The following INSC variants were observed in gnomAD, a reference collection of about 807,000 sequenced individuals.
INSC encodes the protein INSC spindle orientation adaptor protein.
Under a neutral mutation model 58.6 loss-of-function variants are expected in INSC, and 67 were observed. That is an observed-to-expected ratio of 1.14 (90% confidence interval 0.94 to 1.40). INSC has a LOEUF of 1.40. Ranked by LOEUF, INSC falls within the 40% of genes most tolerant of loss-of-function variation. INSC has a pLI of 0.00. For synonymous variants in INSC, 262 were observed against 276.1 expected (o/e 0.95, Z 0.51); for missense variants, 714 against 692.0 (o/e 1.03, Z -0.36).
chr11:15,243,863 T>C (rs1481099190), intron 12 of INSC, among the ~76,000 whole-genome samples: 4 of 151,588 alleles, frequency 2.6e-5, no homozygotes, highest in Admixed American at 6.6e-5. Context: ...CTAAGGGCTC[T>C]CTCTTTTATT....
chr11:15,166,876 G>A (rs1849215012), intron 2 of INSC, among the ~76,000 whole-genome samples: 1 of 152,046 alleles, frequency 6.6e-6, no homozygotes, highest in South Asian at 2.1e-4. Context: ...ATGGAGTTCT[G>A]GCTCTCTCAA....
At chr11:15,241,502 C>A in intron 12 of INSC, 1 of 687,424 alleles carries the variant, frequency 1.5e-6, no homozygotes, top group Non-Finnish European at 2.7e-6. Context: ...ATAAGTCACT[C>A]AGTGCTATAC....
the INSC span, among the ~76,000 whole-genome samples, chr11:15,267,704 A>T: frequency 6.6e-6 from 1 of 151,938 alleles, no homozygotes; most frequent in Non-Finnish European, 1.5e-5. Flanking sequence ...ATATTGTTCT[A>T]TGCTAATTCA....
Position 15,175,763 on chromosome 11 carries a change from T to C in INSC, c.79T>C (p.Ser27Pro). The part of the protein sequence containing the change: ...GQRLHLMQVD[S>P]VQRWMEDLKL... ...CAGGCTACACCTGATGCAGGTGGACTCAGTCCAGCGCTGGATGGAAGATCT... is the reference window on the plus strand; with the variant it reads ...CAGGCTACACCTGATGCAGGTGGACCCAGTCCAGCGCTGGATGGAAGATCT... The change falls in exon 3 of 13, where the codon TCA becomes CCA. Residue 27 changes from serine (S) to proline (P), a missense_variant. Ser to Pro is a moderately conservative substitution (Grantham distance 74). Transcript: ENST00000379556. 6.4e-7 allele frequency: 1 copy of C among 1,570,332 alleles called. No homozygotes were observed. Among genetic ancestry groups the C allele is most frequent in the Non-Finnish European group, 8.7e-7 (1 of 1,149,680 alleles).
intron 5 of INSC, among the ~76,000 whole-genome samples, chr11:15,183,621 G>A (rs1037905533): frequency 1.3e-5 from 2 of 152,046 alleles, no homozygotes; most frequent in African/African-American, 4.8e-5. Flanking sequence ...GCTTTTTTAG[G>A]ACACACATTA....
upstream of INSC, chr11:15,114,840 G>T (rs1478025456): frequency 1.4e-6 from 1 of 732,384 alleles, no homozygotes; most frequent in Non-Finnish European, 1.7e-6. Context: ...CGACCGCCTC[G>T]GAGAGGGCGG....
At chr11:15,125,695 C>A (rs893719197) in intron 1 of INSC, among the ~76,000 whole-genome samples, 7 of 152,200 alleles carry the variant, frequency 4.6e-5, no homozygotes, top group African/African-American at 1.7e-4. Context: ...TCTTTACCTG[C>A]TACTTGGAGA....
chr11:15,229,708 C>T (rs1851773166), intron 9 of INSC, among the ~76,000 whole-genome samples: 1 of 151,084 alleles, frequency 6.6e-6, no homozygotes, highest in South Asian at 2.1e-4. Flanking sequence ...GGAATGTAAG[C>T]TTTGGAACAG....
Position 15,189,995 on chromosome 11 carries a change from C to T in INSC, c.580-706C>T, listed in dbSNP as rs2133858755. Among the ~76,000 whole-genome samples, 2 of 152,294 alleles carry T rather than the reference C, an allele frequency of 1.3e-5. 1 individual carries two copies. On this transcript the variant is annotated intron_variant, in intron 5 of 12. Transcript: ENST00000379556. Reference sequence around the variant, plus strand: ...CATTTGCTTTCCTTCCTGAACCTCTCTTCTTGGTCTTATGTTCAGTCATTC... The same window carrying T: ...CATTTGCTTTCCTTCCTGAACCTCTTTTCTTGGTCTTATGTTCAGTCATTC...
At chr11:15,115,773 ACTCTT>A (rs1847677833) in intron 1 of INSC, among the ~76,000 whole-genome samples, 1 of 151,866 alleles carries the variant, frequency 6.6e-6, no homozygotes, top group Non-Finnish European at 1.5e-5. Context: ...TCTTGCACAC[ACTCTT>A]CTCAGGATAG....
chr11:15,173,752 A>G (rs1338048596), intron 2 of INSC, among the ~76,000 whole-genome samples: 1 of 152,224 alleles, frequency 6.6e-6, no homozygotes, highest in Non-Finnish European at 1.5e-5. Context: ...TTTAAAAAGC[A>G]ATTTCCTAAA....
intron 10 of INSC, among the ~76,000 whole-genome samples, chr11:15,238,371 G>C (rs1852211526): frequency 6.6e-6 from 1 of 152,148 alleles, no homozygotes; most frequent in Admixed American, 6.5e-5. Context: ...TTACCTGGGG[G>C]ATTCATCACC....
At chr11:15,212,921 G>T (rs1334974979) in intron 7 of INSC, among the ~76,000 whole-genome samples, 3 of 152,174 alleles carry the variant, frequency 2.0e-5, no homozygotes, top group Admixed American at 6.5e-5. Context: ...GGAAAAAGCT[G>T]TCAACATTTA....
At chr11:15,238,131 C>T (rs1052024340) in intron 10 of INSC, among the ~76,000 whole-genome samples, 4 of 151,980 alleles carry the variant, frequency 2.6e-5, no homozygotes, top group Admixed American at 6.6e-5. Flanking sequence ...GGGAAAATGG[C>T]ATCCCTTGTA....
intron 1 of INSC, among the ~76,000 whole-genome samples, chr11:15,129,791 T>C (rs923305031): frequency 4.6e-5 from 7 of 152,210 alleles, no homozygotes; most frequent in Non-Finnish European, 1.0e-4. Context: ...ATTTTCTACA[T>C]AGAGAATGAG....
At chr11:15,114,713 C>G (rs1235483277), upstream of INSC, among the ~76,000 whole-genome samples, 1 of 152,198 alleles carries the variant, frequency 6.6e-6, no homozygotes. Context: ...CCATGTTTCC[C>G]CCCCCAGGGG....
intron 1 of INSC, among the ~76,000 whole-genome samples, chr11:15,120,806 T>A (rs1232234728): frequency 6.6e-6 from 1 of 152,216 alleles, no homozygotes; most frequent in Admixed American, 6.5e-5. Flanking sequence ...AAACATTTAT[T>A]GAGTGCTTCC....
At chr11:15,222,091 C>T (rs1056042847) in intron 8 of INSC, among the ~76,000 whole-genome samples, 4 of 152,336 alleles carry the variant, frequency 2.6e-5, no homozygotes, top group African/African-American at 7.2e-5. Flanking sequence ...CCCACCACAA[C>T]CTGCTGCCTG....
intron 9 of INSC, among the ~76,000 whole-genome samples, chr11:15,232,691 A>ACT (rs1377527023): frequency 5.9e-5 from 9 of 152,162 alleles, no homozygotes; most frequent in Non-Finnish European, 1.0e-4. Context: ...TGACATAGGA[A>ACT]TGTTATCCTT....
Sources: allele counts gnomAD v4.1 joint callset (sites outside exome capture counted in the v4.1 genomes callset), GRCh38; gene constraint gnomAD v4.1.1; transcripts MANE v1.5; gene names NCBI Gene and HGNC (gene_info 2026-07-23, HGNC 2026-07-21).